Variants in GPC5 observed in about 807,000 individuals in gnomAD.
GPC5 encodes the protein glypican 5.
GPC5 carries 47 observed loss-of-function variants against 53.9 expected under a neutral mutation model. The ratio of observed to expected loss-of-function variants is 0.87; its 90% CI spans 0.69 to 1.11. The LOEUF is 1.11. GPC5 is among the 50% of genes most tolerant of loss of function. The pLI is 0.00. For missense variants in GPC5, 748 were observed against 713.1 expected (o/e 1.05, Z -0.56); for synonymous variants, 286 against 263.3 (o/e 1.09, Z -0.84).
chr13:92,124,470 G>A (rs576141690), intron 6 of GPC5, among the ~76,000 whole-genome samples: 11 of 152,158 alleles, frequency 7.2e-5, no homozygotes, highest in Admixed American at 5.2e-4. Context: ...AAAAAGTATA[G>A]GCAGGAACAT....
intron 2 of GPC5, among the ~76,000 whole-genome samples, chr13:91,572,571 G>C (rs929136191): frequency 9.2e-5 from 14 of 151,832 alleles, no homozygotes; most frequent in African/African-American, 2.7e-4. Context: ...GAGGTGCCAG[G>C]CTCTTTAAAC....
chr13:91,629,756 G>A (rs956282727), intron 2 of GPC5, among the ~76,000 whole-genome samples: 1 of 152,042 alleles, frequency 6.6e-6, no homozygotes, highest in Non-Finnish European at 1.5e-5. Flanking sequence ...TGGACCTTTT[G>A]GGGCTATGAT....
At chr13:92,039,448 G>T (rs2138821502) in intron 6 of GPC5, among the ~76,000 whole-genome samples, 1 of 152,242 alleles carries the variant, frequency 6.6e-6, no homozygotes, top group East Asian at 1.9e-4. Flanking sequence ...TTACAATAAT[G>T]ATTAGAAACT....
At chr13:91,536,840 GAA>G (rs1471966701) in intron 2 of GPC5, among the ~76,000 whole-genome samples, 1 of 152,168 alleles carries the variant, frequency 6.6e-6, no homozygotes, top group Non-Finnish European at 1.5e-5. Context: ...AAACTAATAT[GAA>G]AATCATATGC....
chr13:91,676,716 A>G (rs1032899845), intron 2 of GPC5, among the ~76,000 whole-genome samples: 1 of 152,192 alleles, frequency 6.6e-6, no homozygotes, highest in African/African-American at 2.4e-5. Context: ...AAAGATCTTA[A>G]TGGTTTGGAG....
At chr13:91,923,441 T>G (rs1193060446) in intron 6 of GPC5, among the ~76,000 whole-genome samples, 1 of 152,184 alleles carries the variant, frequency 6.6e-6, no homozygotes, top group African/African-American at 2.4e-5. Context: ...GGAATATGCT[T>G]GTAGGGAATC....
At chr13:92,004,599 G>C (rs2040589953) in intron 6 of GPC5, among the ~76,000 whole-genome samples, 2 of 150,536 alleles carry the variant, frequency 1.3e-5, no homozygotes, top group South Asian at 2.1e-4. Flanking sequence ...AGATAGAATA[G>C]AGTCACAATT....
At chr13:91,435,570 C>T (rs1165409725) in intron 1 of GPC5, among the ~76,000 whole-genome samples, 2 of 152,154 alleles carry the variant, frequency 1.3e-5, no homozygotes, top group Non-Finnish European at 2.9e-5. Flanking sequence ...TTTTGATATG[C>T]TGCTGGATTC....
At chr13:92,794,508 A>G (rs956456234) in intron 7 of GPC5, among the ~76,000 whole-genome samples, 1 of 152,172 alleles carries the variant, frequency 6.6e-6, no homozygotes, top group African/African-American at 2.4e-5. Flanking sequence ...ATTCCTATTC[A>G]ACACAGTGTT....
chr13:92,684,253 T>C (rs902355900), intron 7 of GPC5, among the ~76,000 whole-genome samples: 4 of 151,990 alleles, frequency 2.6e-5, no homozygotes, highest in African/African-American at 9.7e-5. Flanking sequence ...GCTTTCTTTC[T>C]CTTTTTTATT....
chr13:91,572,155 GTATACACACACA>G (rs1566517251), intron 2 of GPC5, among the ~76,000 whole-genome samples: 5 of 133,250 alleles, frequency 3.8e-5, no homozygotes, highest in Admixed American at 1.5e-4. Context: ...ATATACGTGT[GTATACACACACA>G]TATGTATATA....
At chr13:91,780,433 T>C (rs2037780566) in intron 5 of GPC5, among the ~76,000 whole-genome samples, 1 of 152,102 alleles carries the variant, frequency 6.6e-6, no homozygotes, top group African/African-American at 2.4e-5. Flanking sequence ...TTTTGAACTT[T>C]TTATTATATT....
chr13:92,726,933 T>C (rs1277849343), intron 7 of GPC5, among the ~76,000 whole-genome samples: 1 of 151,466 alleles, frequency 6.6e-6, no homozygotes, highest in Middle Eastern at 3.2e-3. Flanking sequence ...AGAGCTATAA[T>C]TCCAAAAAAT....
Position 92,620,425 on chromosome 13 carries a change from G to T in GPC5, c.1562-245857G>T, listed in dbSNP as rs117394110. Among the ~76,000 whole-genome samples the T allele has an allele frequency of 2.2e-4, 34 of 152,252 alleles. No individual in the cohort carries two copies. In the East Asian group the frequency reaches 6.0e-3, roughly 27 times the overall value. ...GGTAACACACATCAGAGTTCTCCAG[G>T]AAGGAGACCTTCAGAAATTCCACCA... On this transcript the variant is annotated intron_variant, in intron 7 of 7. Transcript: ENST00000377067.
intron 4 of GPC5, among the ~76,000 whole-genome samples, chr13:91,736,437 C>CT (rs1257746713): frequency 2.0e-5 from 3 of 151,060 alleles, no homozygotes; most frequent in South Asian, 2.1e-4. Flanking sequence ...TTTCCACAAT[C>CT]TTTTTTTTGC....
rs561501171 is a variant in GPC5 at position 92,221,697 on chromosome 13, G to A, written c.1561+76708G>A. Among the ~76,000 whole-genome samples the A allele has an allele frequency of 1.8e-4, 27 of 150,902 alleles. No homozygotes were observed. The East Asian group carries it at 2.6e-3, about 14-fold the overall frequency. On this transcript the variant is annotated intron_variant, in intron 7 of 7. Transcript: ENST00000377067. ...CTTATTCTTCTTGCGCAAAGTGCAC[G>A]CCAACAATATCCATGTTTTTCCTAT...
intron 7 of GPC5, among the ~76,000 whole-genome samples, chr13:92,339,400 G>T (rs1446842972): frequency 6.6e-6 from 1 of 151,952 alleles, no homozygotes; most frequent in African/African-American, 2.4e-5. Flanking sequence ...AGTAATCAAG[G>T]ATATATTTAA....
At position 91,468,892 on chromosome 13, in the gene GPC5, A is replaced by T. The variant is rs1309412527; in HGVS notation, c.325+19970A>T. Among the ~76,000 whole-genome samples the T allele has an allele frequency of 5.4e-3, 312 of 57,498 alleles. 3 individuals are homozygous for T. Among genetic ancestry groups the T allele is most frequent in the African/African-American group, 0.013 (266 of 20,950 alleles). The allele number at this position is 57,498 out of a possible 152,430, so 37.7% of individuals were successfully genotyped here. A position where few individuals can be genotyped will look rare whatever the true frequency, so the allele number is the denominator to read the frequency against. The stretch of plus-strand genomic sequence containing the variant: ...TAATGGTCTTTTTTTTTTTTTTTTT[A>T]AATGAGACAGGGTTTCATTCTGTTA... On this transcript the variant is annotated intron_variant, in intron 2 of 7. Transcript: ENST00000377067.
At chr13:91,824,485 G>A (rs866481000) in intron 5 of GPC5, among the ~76,000 whole-genome samples, 9 of 152,188 alleles carry the variant, frequency 5.9e-5, no homozygotes, top group African/African-American at 1.7e-4. Context: ...AAATGTGAAA[G>A]GCAGATTAAA....
Sources: gnomAD v4.1 joint callset for allele counts (sites outside exome capture counted in the v4.1 genomes callset) on GRCh38, gnomAD v4.1.1 for gene constraint, MANE v1.5 for transcripts, NCBI Gene and HGNC (gene_info 2026-07-23, HGNC 2026-07-21) for gene names.